Variants in NTM observed in about 807,000 individuals in gnomAD.
The protein encoded by NTM is neurotrimin.
NTM carries 13 observed loss-of-function variants against 42.1 expected under a neutral mutation model. That is an observed-to-expected ratio of 0.31 (90% CI 0.20 to 0.49). The LOEUF (loss-of-function observed/expected upper bound fraction) is 0.49, where lower values mean the gene tolerates loss of function less well. Among genes scored for constraint, NTM ranks in the 20% least tolerant of loss-of-function variants. The probability of loss-of-function intolerance (pLI) is 0.99; values close to 1 mark genes in which losing one functional copy is unlikely to be tolerated. For synonymous variants in NTM, 187 were observed against 179.2 expected (o/e 1.04, Z -0.35); for missense variants, 373 against 452.8 (o/e 0.82, Z 1.60).
At chr11:131,485,406 T>G (rs1250602214) in intron 1 of NTM, among the ~76,000 whole-genome samples, 1 of 152,140 alleles carries the variant, frequency 6.6e-6, no homozygotes, top group Admixed American at 6.5e-5. Flanking sequence ...TATAGATTAT[T>G]TTGCAGGTGT....
chr11:132,246,240 G>A (rs968610560), intron 4 of NTM, among the ~76,000 whole-genome samples: 1 of 152,246 alleles, frequency 6.6e-6, no homozygotes, highest in African/African-American at 2.4e-5. Flanking sequence ...ACTCCTCCAA[G>A]CCTGCCCGGT....
intron 3 of NTM, among the ~76,000 whole-genome samples, chr11:132,184,141 C>T (rs764030103): frequency 2.6e-5 from 4 of 152,258 alleles, no homozygotes; most frequent in South Asian, 2.1e-4. Flanking sequence ...AGTGAGTTTA[C>T]GGGGGTGTCC....
intron 1 of NTM, among the ~76,000 whole-genome samples, chr11:131,416,852 T>G (rs1947011215): frequency 6.6e-6 from 1 of 152,188 alleles, no homozygotes; most frequent in African/African-American, 2.4e-5. Flanking sequence ...GAAGTGCAAG[T>G]GGAAAAAAAG....
At chr11:131,664,012 G>T (rs1592429246) in intron 1 of NTM, among the ~76,000 whole-genome samples, 1 of 152,320 alleles carries the variant, frequency 6.6e-6, no homozygotes, top group East Asian at 1.9e-4. Context: ...AAGAGCAGAA[G>T]GTGACAGGAA....
chr11:131,997,694 G>A (rs796256894), intron 2 of NTM, among the ~76,000 whole-genome samples: 1 of 151,960 alleles, frequency 6.6e-6, no homozygotes, highest in Admixed American at 6.6e-5. Context: ...TTCCTGGAAT[G>A]CAGCTGTCAC....
chr11:131,619,096 G>A (rs1472120724), intron 1 of NTM, among the ~76,000 whole-genome samples: 3 of 152,174 alleles, frequency 2.0e-5, no homozygotes, highest in Non-Finnish European at 2.9e-5. Context: ...TTTGGAGGGC[G>A]TAGCTGGAGT....
At chr11:132,068,053 T>G (rs1295396590) in intron 2 of NTM, among the ~76,000 whole-genome samples, 1 of 152,234 alleles carries the variant, frequency 6.6e-6, no homozygotes, top group African/African-American at 2.4e-5. Flanking sequence ...TCTTTCTTTC[T>G]GACCTATGCT....
At chr11:131,504,132 A>G (rs1336959884) in intron 1 of NTM, among the ~76,000 whole-genome samples, 1 of 152,056 alleles carries the variant, frequency 6.6e-6, no homozygotes, top group Non-Finnish European at 1.5e-5. Flanking sequence ...GCTTCTGGAC[A>G]CTGTGGCTTG....
At chr11:132,280,010 C>T (rs1437564459) in intron 4 of NTM, among the ~76,000 whole-genome samples, 2 of 152,162 alleles carry the variant, frequency 1.3e-5, no homozygotes, top group Non-Finnish European at 2.9e-5. Flanking sequence ...CCATGGTAAA[C>T]AGGACTTCAT....
At chr11:131,879,327 C>T (rs570941692) in intron 1 of NTM, among the ~76,000 whole-genome samples, 5 of 152,240 alleles carry the variant, frequency 3.3e-5, no homozygotes, top group Admixed American at 2.6e-4. Flanking sequence ...CCACCCGTCC[C>T]GCAGTGATGT....
intron 1 of NTM, among the ~76,000 whole-genome samples, chr11:131,420,318 G>T (rs77952528): frequency 1.7e-3 from 253 of 152,246 alleles, no homozygotes; most frequent in Non-Finnish European, 2.6e-3. Context: ...GAGGGGCCAC[G>T]AGACAAAGCA....
At chr11:131,780,038 A>G (rs918622080) in intron 1 of NTM, among the ~76,000 whole-genome samples, 1 of 152,198 alleles carries the variant, frequency 6.6e-6, no homozygotes, top group African/African-American at 2.4e-5. Context: ...GTTCACAGGA[A>G]CTTTCATAGG....
At chr11:131,499,205 A>T (rs150257012) in intron 1 of NTM, among the ~76,000 whole-genome samples, 1 of 152,326 alleles carries the variant, frequency 6.6e-6, no homozygotes, top group African/African-American at 2.4e-5. Context: ...GGAGTGAGTG[A>T]TGTGGCAGAC....
chr11:131,764,040 G>A lies in NTM; in HGVS notation c.83-147524G>A, dbSNP rs183115155. On this transcript the variant is annotated intron_variant, in intron 1 of 8. Transcript: ENST00000683400. The stretch of plus-strand genomic sequence containing the variant: ...CTAAAACATTTGGTGATAGATTTAT[G>A]GTGAAGATGCTAGGAGACAGCAATA... Among the ~76,000 whole-genome samples the A allele has an allele frequency of 3.8e-3, 584 of 151,986 alleles. 6 individuals carry two copies. The highest frequency in any genetic ancestry group is 0.013 in the African/African-American group (552 of 41,472).
At chr11:131,943,791 T>C (rs2060057657) in intron 2 of NTM, among the ~76,000 whole-genome samples, 1 of 152,234 alleles carries the variant, frequency 6.6e-6, no homozygotes, top group African/African-American at 2.4e-5. Flanking sequence ...CCAAGAATAT[T>C]CTTCAAAATG....
chr11:131,636,598 G>C (rs114526755), intron 1 of NTM, among the ~76,000 whole-genome samples: 1 of 152,172 alleles, frequency 6.6e-6, no homozygotes, highest in Non-Finnish European at 1.5e-5. Flanking sequence ...CTTTTGAAAC[G>C]TGTGCTTGCA....
intron 1 of NTM, among the ~76,000 whole-genome samples, chr11:131,757,669 G>A (rs1469660410): frequency 5.3e-5 from 8 of 152,190 alleles, no homozygotes; most frequent in African/African-American, 9.7e-5. Context: ...ACTGATGTGA[G>A]TTGAAGTTAA....
At chr11:131,883,087 T>C (rs1181276414) in intron 1 of NTM, among the ~76,000 whole-genome samples, 2 of 152,178 alleles carry the variant, frequency 1.3e-5, no homozygotes, top group African/African-American at 4.8e-5. Context: ...CTGTGCTCCG[T>C]AGCCTCACAC....
At chr11:132,238,070 A>C (rs146065283) in intron 4 of NTM, among the ~76,000 whole-genome samples, 2 of 152,274 alleles carry the variant, frequency 1.3e-5, no homozygotes, top group African/African-American at 4.8e-5. Context: ...TGCATTGTTT[A>C]ATGAGGTAAA....
Sources: gnomAD v4.1 joint callset for allele counts (sites outside exome capture counted in the v4.1 genomes callset) on GRCh38, gnomAD v4.1.1 for gene constraint, MANE v1.5 for transcripts, NCBI Gene and HGNC (gene_info 2026-07-23, HGNC 2026-07-21) for gene names.